SNX29: variants seen among roughly 807,000 people sequenced by gnomAD.
SNX29 encodes the protein sorting nexin 29.
In SNX29, 78 loss-of-function variants were observed where a neutral mutation model predicts 102.1. That is an observed-to-expected ratio of 0.76 (90% CI 0.64 to 0.92). The LOEUF is 0.92. Ranked by LOEUF, SNX29 falls within the 40% of genes least tolerant of loss-of-function variation. The pLI is 0.00. For synonymous variants in SNX29, 580 were observed against 414.5 expected (o/e 1.40, Z -4.85); for missense variants, 1,280 against 1,061.7 (o/e 1.21, Z -2.86).
chr16:12,291,500 G>T (rs2079793961), intron 15 of SNX29, among the ~76,000 whole-genome samples: 1 of 152,190 alleles, frequency 6.6e-6, no homozygotes, highest in Non-Finnish European at 1.5e-5. Context: ...TTCAAGGTGA[G>T]ATTTGGGTGG....
intron 14 of SNX29, 94 bp downstream of exon 14, chr16:12,199,777 G>C: frequency 2.9e-6 from 3 of 1,037,882 alleles, no homozygotes; most frequent in Non-Finnish European, 4.4e-6. Flanking sequence ...TGTGACGAGT[G>C]CATATGTGGA....
chr16:12,222,680 T>C (rs1002410779), intron 14 of SNX29, among the ~76,000 whole-genome samples: 5 of 152,206 alleles, frequency 3.3e-5, no homozygotes, highest in African/African-American at 1.2e-4. Context: ...GCAATTCTTC[T>C]GCCTCAGCCT....
In SNX29 at chr16:12,337,993, G is replaced by C. The variant is rs116111947; in HGVS notation, c.1783-18170G>C. Among the ~76,000 whole-genome samples, 1,351 of 152,278 alleles carry C rather than the reference G, an allele frequency of 8.9e-3. 28 individuals are homozygous for C. The highest frequency in any genetic ancestry group is 0.031 in the African/African-American group (1,286 of 41,550). Reference sequence around the variant, plus strand: ...TGCTGCGGTCTTTGGGTTGAATCCAGGTTCTCTTCACAGCGACTGCCAGAG... The same window carrying C: ...TGCTGCGGTCTTTGGGTTGAATCCACGTTCTCTTCACAGCGACTGCCAGAG... On this transcript the variant is annotated intron_variant, in intron 15 of 20. Coordinates refer to ENST00000566228, the MANE Select transcript of SNX29 (RefSeq NM_032167.5).
chr16:12,153,461 CA>C (rs367696237), intron 13 of SNX29, among the ~76,000 whole-genome samples: 31,319 of 140,408 alleles, frequency 0.22, 3,420 homozygotes, highest in Middle Eastern at 0.25. Context: ...ATCTTTGTCT[CA>C]AAAAAAAAAA....
At chr16:12,537,467 C>T (rs190338310) in intron 20 of SNX29, among the ~76,000 whole-genome samples, 126 of 149,612 alleles carry the variant, frequency 8.4e-4, no homozygotes, top group Non-Finnish European at 1.5e-3. Flanking sequence ...CCTCAGCATC[C>T]TCATCTATAA....
Position 12,183,827 on chromosome 16 carries a change from C to T in SNX29, c.1596-15774C>T, listed in dbSNP as rs187907557. 3.3e-5 allele frequency among the ~76,000 whole-genome samples: 5 copies of T among 152,308 alleles called. No homozygotes were observed. In the East Asian group the frequency reaches 9.6e-4, roughly 29 times the overall value. On this transcript the variant is annotated intron_variant, in intron 13 of 20. Coordinates refer to ENST00000566228, the MANE Select transcript of SNX29 (RefSeq NM_032167.5). ...CAGTAAAGAAGCCGGCTGAATCCCA[C>T]CAAAACCACGATGACGATGAGAGTG...
chr16:12,064,387 A>G (rs950708303), intron 9 of SNX29, among the ~76,000 whole-genome samples: 1 of 152,204 alleles, frequency 6.6e-6, no homozygotes, highest in African/African-American at 2.4e-5. Flanking sequence ...GAGTCCTTGC[A>G]GATTTCCTGT....
chr16:12,551,369 G>A (rs1265450706), intron 20 of SNX29, among the ~76,000 whole-genome samples: 4 of 152,174 alleles, frequency 2.6e-5, no homozygotes, highest in Non-Finnish European at 5.9e-5. Context: ...CTTTCCATTT[G>A]CAGAACTTCC....
chr16:12,449,066 C>G (rs1424787414), intron 18 of SNX29, among the ~76,000 whole-genome samples: 2 of 152,014 alleles, frequency 1.3e-5, no homozygotes, highest in Admixed American at 6.6e-5. Context: ...GGATATGGTG[C>G]CCAAAACTGG....
chr16:12,383,242 AC>A (rs1035744694), intron 16 of SNX29, among the ~76,000 whole-genome samples: 2 of 152,176 alleles, frequency 1.3e-5, no homozygotes, highest in African/African-American at 4.8e-5. Flanking sequence ...GTGGAAAGAT[AC>A]ATGCAATCTT....
At chr16:12,123,560 A>G (rs1057133723) in intron 11 of SNX29, among the ~76,000 whole-genome samples, 5 of 152,190 alleles carry the variant, frequency 3.3e-5, no homozygotes, top group Non-Finnish European at 7.3e-5. Flanking sequence ...ATGCAGGGGA[A>G]TAATATTCAG....
chr16:12,544,956 G>C (rs1333790883), intron 20 of SNX29, among the ~76,000 whole-genome samples: 2 of 152,220 alleles, frequency 1.3e-5, no homozygotes, highest in Admixed American at 6.5e-5. Flanking sequence ...TCCAGATGAG[G>C]AAACAGGCTC....
At chr16:12,068,967 GATGAGCC>G (rs1233952884) in intron 9 of SNX29, 83 bp from the exon 10 acceptor site, 6 of 1,243,578 alleles carry the variant, frequency 4.8e-6, no homozygotes, top group Non-Finnish European at 6.9e-6. Flanking sequence ...TGATGTAGCA[GATGAGCC>G]AATGTCTGCA....
intron 13 of SNX29, among the ~76,000 whole-genome samples, chr16:12,140,461 G>C (rs1423379344): frequency 1.3e-5 from 2 of 152,220 alleles, no homozygotes; most frequent in Non-Finnish European, 2.9e-5. Flanking sequence ...GAACTCCGTG[G>C]AGCAGGAACA....
chr16:12,572,531 A>G lies in SNX29; in HGVS notation c.*3902A>G, dbSNP rs1003406901. ...CTGCTCCACGTGCTCAAGCCCCCACAGGGGGCTGCGACACCATCTGGCTCC... is the reference window on the plus strand; with the variant it reads ...CTGCTCCACGTGCTCAAGCCCCCACGGGGGGCTGCGACACCATCTGGCTCC... On this transcript the variant is annotated 3_prime_UTR_variant, in exon 21 of 21. Transcript: ENST00000566228. The G allele has an allele frequency of 6.6e-6, 7 of 1,063,496 alleles. No individual in the cohort carries two copies. Among genetic ancestry groups the G allele is most frequent in the African/African-American group, 6.6e-5 (4 of 60,900 alleles). The allele number at this position is 1,063,496 out of a possible 1,614,324, so 65.9% of individuals were successfully genotyped here. A position where few individuals can be genotyped will look rare whatever the true frequency, so the allele number is the denominator to read the frequency against.
chr16:12,531,903 C>G (rs1404607186), intron 20 of SNX29, among the ~76,000 whole-genome samples: 1 of 152,218 alleles, frequency 6.6e-6, no homozygotes, highest in East Asian at 1.9e-4. Flanking sequence ...TCTCCCCTCT[C>G]ACGTCACAAG....
At chr16:12,303,491 A>T (rs975983927) in intron 15 of SNX29, among the ~76,000 whole-genome samples, 2 of 152,240 alleles carry the variant, frequency 1.3e-5, no homozygotes, top group African/African-American at 4.8e-5. Context: ...AGTTACAGCC[A>T]AACACATTCG....
chr16:12,043,117 G>C (rs1596674427), intron 5 of SNX29, 40 bp downstream of exon 5: 2 of 1,606,870 alleles, frequency 1.2e-6, no homozygotes, highest in Non-Finnish European at 1.7e-6. Flanking sequence ...GATGGAGCAA[G>C]AGGTGAAGAT....
At chr16:12,153,141 T>C (rs2055371065) in intron 13 of SNX29, among the ~76,000 whole-genome samples, 1 of 152,244 alleles carries the variant, frequency 6.6e-6, no homozygotes, top group South Asian at 2.1e-4. Flanking sequence ...CTCATGCCTA[T>C]AATCCCATTG....
Sources: gnomAD v4.1 joint callset for allele counts (sites outside exome capture counted in the v4.1 genomes callset) on GRCh38, gnomAD v4.1.1 for gene constraint, MANE v1.5 for transcripts, NCBI Gene and HGNC (gene_info 2026-07-23, HGNC 2026-07-21) for gene names.